Variants in CTNND2 observed in about 807,000 individuals in gnomAD.
CTNND2 encodes the protein catenin delta 2.
Under a neutral mutation model 144.4 loss-of-function variants are expected in CTNND2, and 22 were observed. That is an observed-to-expected ratio of 0.15 (90% CI 0.11 to 0.22). The LOEUF is 0.22. Among genes scored for constraint, CTNND2 ranks in the 10% least tolerant of loss-of-function variants. The pLI, the probability that CTNND2 is intolerant of heterozygous loss-of-function variation, is 1.00. For synonymous variants in CTNND2, 751 were observed against 695.6 expected (o/e 1.08, Z -1.25); for missense variants, 1,353 against 1,618.8 (o/e 0.84, Z 2.82).
chr5:11,748,147 C>T (rs1227900702), intron 1 of CTNND2, among the ~76,000 whole-genome samples: 1 of 152,072 alleles, frequency 6.6e-6, no homozygotes, highest in African/African-American at 2.4e-5. Flanking sequence ...TAGTCACTAC[C>T]ATTGACTTAG....
intron 3 of CTNND2, among the ~76,000 whole-genome samples, chr5:11,515,824 T>C (rs777268350): frequency 1.1e-4 from 17 of 152,294 alleles, no homozygotes; most frequent in Non-Finnish European, 2.1e-4. Flanking sequence ...AATTTGTTAA[T>C]AGTTCAATTC....
intron 3 of CTNND2, among the ~76,000 whole-genome samples, chr5:11,502,573 A>C (rs995632540): frequency 1.3e-5 from 2 of 152,232 alleles, no homozygotes; most frequent in Non-Finnish European, 2.9e-5. Context: ...GACATCTTCC[A>C]CAGCAGCCCT....
intron 12 of CTNND2, among the ~76,000 whole-genome samples, chr5:11,120,154 A>G (rs900896163): frequency 2.6e-5 from 4 of 152,218 alleles, no homozygotes; most frequent in Admixed American, 6.5e-5. Context: ...AAAAATGAGA[A>G]AGATTAATAA....
At chr5:11,370,815 A>G (rs1251416072) in intron 7 of CTNND2, among the ~76,000 whole-genome samples, 1 of 152,258 alleles carries the variant, frequency 6.6e-6, no homozygotes, top group Non-Finnish European at 1.5e-5. Flanking sequence ...GGTCTAAATG[A>G]CATAGTATTC....
At chr5:11,080,344 C>A (rs1749416089) in intron 16 of CTNND2, among the ~76,000 whole-genome samples, 1 of 152,120 alleles carries the variant, frequency 6.6e-6, no homozygotes, top group Admixed American at 6.5e-5. Context: ...GAAAGAGAAA[C>A]CCTTGTACTT....
At chr5:11,783,959 T>C (rs1255681652) in intron 1 of CTNND2, among the ~76,000 whole-genome samples, 2 of 152,050 alleles carry the variant, frequency 1.3e-5, no homozygotes, top group East Asian at 3.9e-4. Flanking sequence ...AGTCAGGGAG[T>C]AGACTTGTGA....
intron 3 of CTNND2, among the ~76,000 whole-genome samples, chr5:11,494,556 C>T (rs773867580): frequency 3.3e-5 from 5 of 152,080 alleles, no homozygotes; most frequent in Admixed American, 1.3e-4. Flanking sequence ...CTGAAGCATT[C>T]GCTCATTTCT....
At chr5:11,006,160 A>G (rs143546436) in intron 18 of CTNND2, among the ~76,000 whole-genome samples, 1 of 152,338 alleles carries the variant, frequency 6.6e-6, no homozygotes, top group Non-Finnish European at 1.5e-5. Flanking sequence ...GGTATTGGCA[A>G]AAAAGACTGA....
At chr5:11,458,792 C>T (rs1253273772) in intron 3 of CTNND2, among the ~76,000 whole-genome samples, 2 of 152,224 alleles carry the variant, frequency 1.3e-5, no homozygotes, top group East Asian at 3.9e-4. Context: ...TCACTGTTGC[C>T]CAGGCTGGAG....
chr5:11,283,688 AAAAAAAAAAAAAAAAAAAGAG>A (rs1220252235), intron 9 of CTNND2, among the ~76,000 whole-genome samples: 71 of 139,760 alleles, frequency 5.1e-4, no homozygotes, highest in African/African-American at 1.7e-3. Flanking sequence ...AAAAAAAAAA[AAAAAAAAAAAAAAAAAAAGAG>A]AGAGACATGG....
intron 1 of CTNND2, among the ~76,000 whole-genome samples, chr5:11,877,721 CCA>C (rs1735669577): frequency 6.6e-6 from 1 of 151,208 alleles, no homozygotes; most frequent in Non-Finnish European, 1.5e-5. Flanking sequence ...AGCACCATCA[CCA>C]TCATCATCAT....
At chr5:11,495,253 A>C (rs1769819694) in intron 3 of CTNND2, among the ~76,000 whole-genome samples, 2 of 152,320 alleles carry the variant, frequency 1.3e-5, no homozygotes, top group South Asian at 4.1e-4. Flanking sequence ...AATTATCGAA[A>C]TATGTGGAAT....
At chr5:11,886,548 T>A (rs1192056598) in intron 1 of CTNND2, among the ~76,000 whole-genome samples, 1 of 152,174 alleles carries the variant, frequency 6.6e-6, no homozygotes, top group Non-Finnish European at 1.5e-5. Flanking sequence ...TTAGTATAAG[T>A]GTGTCCCATG....
chr5:11,839,079 T>C (rs1794323125), intron 1 of CTNND2, among the ~76,000 whole-genome samples: 1 of 152,150 alleles, frequency 6.6e-6, no homozygotes, highest in Non-Finnish European at 1.5e-5. Context: ...CACAATTTTG[T>C]AAAAATTCAG....
At chr5:11,083,264 C>G (rs775382020) in intron 15 of CTNND2, among the ~76,000 whole-genome samples, 1 of 152,146 alleles carries the variant, frequency 6.6e-6, no homozygotes, top group Non-Finnish European at 1.5e-5. Flanking sequence ...TTTCTCAAGA[C>G]AGCTTTGAAT....
At chr5:11,358,244 A>T (rs1434509733) in intron 8 of CTNND2, among the ~76,000 whole-genome samples, 1 of 152,188 alleles carries the variant, frequency 6.6e-6, no homozygotes, top group African/African-American at 2.4e-5. Flanking sequence ...TATGACAGTT[A>T]TGATATTTTT....
intron 2 of CTNND2, among the ~76,000 whole-genome samples, chr5:11,730,835 C>T (rs1488234089): frequency 6.6e-6 from 1 of 152,178 alleles, no homozygotes; most frequent in Admixed American, 6.5e-5. Context: ...TTTGTTCTTT[C>T]TGCTTTAAAT....
chr5:11,089,913 G>A (rs1227850930), intron 15 of CTNND2, among the ~76,000 whole-genome samples: 1 of 152,194 alleles, frequency 6.6e-6, no homozygotes, highest in Non-Finnish European at 1.5e-5. Context: ...GGAGACTGAG[G>A]CAGGAGAATC....
At chr5:11,338,253 C>T (rs1753914589) in intron 9 of CTNND2, among the ~76,000 whole-genome samples, 1 of 152,110 alleles carries the variant, frequency 6.6e-6, no homozygotes, top group Non-Finnish European at 1.5e-5. Context: ...TGGCTTTTTG[C>T]CCCCAAGTGA....
Sources: allele counts gnomAD v4.1 joint callset (sites outside exome capture counted in the v4.1 genomes callset), GRCh38; gene constraint gnomAD v4.1.1; transcripts MANE v1.5; gene names NCBI Gene and HGNC (gene_info 2026-07-23, HGNC 2026-07-21).